RAB7A: variants seen among roughly 807,000 people sequenced by gnomAD.
RAB7A encodes the protein RAB7A, member RAS oncogene family.
In RAB7A, 2 loss-of-function variants were observed where a neutral mutation model predicts 24.5. That is an observed-to-expected ratio of 0.08 (90% CI 0.03 to 0.26). The LOEUF is 0.26. Among genes scored for constraint, RAB7A ranks in the 10% least tolerant of loss-of-function variants. The pLI is 1.00. For synonymous variants in RAB7A, 100 were observed against 95.9 expected, an observed-to-expected ratio of 1.04 and a Z score of -0.25; for missense variants, 118 against 255.7, an observed-to-expected ratio of 0.46 and a Z score of 3.67.
chr3:128,743,245 C>T (rs576618560), intron 1 of RAB7A, among the ~76,000 whole-genome samples: 11 of 152,338 alleles, frequency 7.2e-5, no homozygotes, highest in Admixed American at 2.6e-4. Context: ...CACACCCACC[C>T]GGAACTCCCG....
intron 1 of RAB7A, among the ~76,000 whole-genome samples, chr3:128,745,959 A>AT (rs1435021765): frequency 1.3e-5 from 2 of 152,180 alleles, no homozygotes; most frequent in African/African-American, 2.4e-5. Flanking sequence ...CCTGGCACCT[A>AT]TTTAAGTCCA....
chr3:128,782,657 T>C (rs1358640353), intron 1 of RAB7A, among the ~76,000 whole-genome samples: 1 of 120,140 alleles, frequency 8.3e-6, no homozygotes, highest in Non-Finnish European at 1.6e-5. Context: ...GCAGAATTTA[T>C]TGAAACCTGG....
intron 1 of RAB7A, among the ~76,000 whole-genome samples, chr3:128,791,409 G>T (rs778152960): frequency 3.9e-5 from 6 of 152,096 alleles, no homozygotes; most frequent in Non-Finnish European, 8.8e-5. Flanking sequence ...CCAAAGTGCT[G>T]GGATTATAGG....
chr3:128,758,266 G>GTT (rs1261789868), intron 1 of RAB7A, among the ~76,000 whole-genome samples: 5 of 124,364 alleles, frequency 4.0e-5, no homozygotes, highest in East Asian at 2.1e-4. Context: ...CCCAGTGTTT[G>GTT]TTTTTTTGTT....
chr3:128,745,232 T>A (rs988966414), intron 1 of RAB7A, among the ~76,000 whole-genome samples: 1 of 152,188 alleles, frequency 6.6e-6, no homozygotes, highest in Admixed American at 6.5e-5. Flanking sequence ...GTCTACCTGT[T>A]GCCTAAACTA....
At position 128,806,386 on chromosome 3, in the gene RAB7A, A is replaced by C; in HGVS notation, c.195A>C (p.Ala65=). The C allele has an allele frequency of 6.2e-7, 1 of 1,611,656 alleles. No homozygotes were observed. The change falls in exon 4 of 6, where the codon GCA becomes GCC. Residue 65 remains alanine (A), a synonymous_variant. Transcript: ENST00000265062. ...RLVTMQIWDT[A]GQERFQSLGV... is the part of the protein sequence containing the mutation. ...GTCTCTCACAGATATGGGACACAGC[A>C]GGACAGGAACGGTTCCAGTCTCTCG...
intron 1 of RAB7A, among the ~76,000 whole-genome samples, chr3:128,751,540 A>G (rs2070681275): frequency 6.6e-6 from 1 of 152,218 alleles, no homozygotes; most frequent in Non-Finnish European, 1.5e-5. Context: ...CATTCAGAAC[A>G]GCTGTATTTA....
chr3:128,757,506 T>C (rs2070739982), intron 1 of RAB7A, among the ~76,000 whole-genome samples: 1 of 151,466 alleles, frequency 6.6e-6, no homozygotes. Context: ...TAAAATATTT[T>C]TATTTATTTT....
chr3:128,809,888 C>G (rs1933883619), intron 5 of RAB7A, among the ~76,000 whole-genome samples: 1 of 142,202 alleles, frequency 7.0e-6, no homozygotes. Context: ...CTTATCTGGA[C>G]TGTGTTGATT....
chr3:128,800,893 G>T (rs570843923), intron 3 of RAB7A, among the ~76,000 whole-genome samples: 1 of 152,222 alleles, frequency 6.6e-6, no homozygotes, highest in South Asian at 2.1e-4. Flanking sequence ...GCAAAAGGAT[G>T]ACCCTTGTGC....
intron 5 of RAB7A, among the ~76,000 whole-genome samples, chr3:128,812,195 A>G (rs1484320877): frequency 2.6e-5 from 4 of 152,216 alleles, no homozygotes; most frequent in Non-Finnish European, 5.9e-5. Context: ...GCTCACTGCA[A>G]CCTTGACCTC....
rs372499075 is a variant in RAB7A, at chr3:128,757,822, A to T, written c.-9+31463A>T. ...CATGAGCCACTGTGCCTGGCCTAAG[A>T]AAAATATTTTTAAGAAAACAGAGAC... On this transcript the variant is annotated intron_variant, in intron 1 of 5. Transcript: ENST00000265062. Among the ~76,000 whole-genome samples the T allele has an allele frequency of 1.1e-4, 16 of 152,164 alleles. 1 individual carries two copies. Among genetic ancestry groups the T allele is most frequent in the Admixed American group, 3.3e-4 (5 of 15,280 alleles).
At position 128,807,566 on chromosome 3, in the gene RAB7A, C is replaced by A; in HGVS notation, c.423C>A (p.Ala141=). ...NRQVATKRAQ[A]WCYSKNNIPY... is the part of the protein sequence containing the mutation. ...AGGTGGCCACAAAGCGGGCACAGGC[C>A]TGGTGCTACAGCAAAAACAACATTC... is the stretch of plus-strand genomic sequence containing the variant. The change falls in exon 5 of 6, where the codon GCC becomes GCA. Residue 141 remains alanine (A), a synonymous_variant. Coordinates refer to ENST00000265062, the MANE Select transcript of RAB7A (RefSeq NM_004637.6). 1.9e-6 allele frequency: 3 copies of A among 1,614,172 alleles called. No individual in the cohort carries two copies. Among genetic ancestry groups the A allele is most frequent in the Non-Finnish European group, 2.5e-6 (3 of 1,180,038 alleles).
chr3:128,754,298 A>G (rs2070711289), intron 1 of RAB7A, among the ~76,000 whole-genome samples: 1 of 152,148 alleles, frequency 6.6e-6, no homozygotes. Context: ...TTGGAGCTGT[A>G]TAGGAGCAGT....
rs540392952 is a variant in RAB7A at position 128,770,331 on chromosome 3, G to A, written c.-8-25029G>A. Among the ~76,000 whole-genome samples the A allele has an allele frequency of 1.5e-4, 23 of 152,294 alleles. No homozygotes were observed. In the South Asian group the frequency reaches 4.8e-3, roughly 32 times the overall value. On this transcript the variant is annotated intron_variant, in intron 1 of 5. Transcript: ENST00000265062. ...CACAACTTACTTTTCGTTTGGTGAC[G>A]TGGAACTTTAGCTAGAGTGACTCTG...
At position 128,779,243 on chromosome 3, in the gene RAB7A, G is replaced by A. The variant is rs191266047; in HGVS notation, c.-8-16117G>A. ...AGCCTGGCCAACATGGTGAAACCCC[G>A]TCTCTACTAAAAATACAAAAATTTG... is the stretch of plus-strand genomic sequence containing the variant. On this transcript the variant is annotated intron_variant, in intron 1 of 5. Transcript: ENST00000265062. Among the ~76,000 whole-genome samples, 67 of 152,084 alleles carry A rather than the reference G, an allele frequency of 4.4e-4. 1 individual carries two copies. In the East Asian group the frequency reaches 0.012, roughly 28 times the overall value.
chr3:128,806,350 A>G, intron 3 of RAB7A, 22 bp from the exon 4 acceptor site: 1 of 1,590,344 alleles, frequency 6.3e-7, no homozygotes, highest in Non-Finnish European at 8.6e-7. Context: ...CTCCCAAGGA[A>G]TGAATGTTTT....
At chr3:128,804,284 C>G (rs535079937) in intron 3 of RAB7A, among the ~76,000 whole-genome samples, 15 of 152,318 alleles carry the variant, frequency 9.8e-5, no homozygotes, top group Middle Eastern at 3.4e-3. Flanking sequence ...AGAAAAACCC[C>G]TCCTATATAC....
At chr3:128,746,013 C>G (rs1051998952) in intron 1 of RAB7A, among the ~76,000 whole-genome samples, 3 of 152,220 alleles carry the variant, frequency 2.0e-5, no homozygotes, top group African/African-American at 4.8e-5. Flanking sequence ...ATCCATGGAG[C>G]TCGGGATCTT....
Sources: allele counts gnomAD v4.1 joint callset (sites outside exome capture counted in the v4.1 genomes callset), GRCh38; gene constraint gnomAD v4.1.1; transcripts MANE v1.5; gene names NCBI Gene and HGNC (gene_info 2026-07-23, HGNC 2026-07-21).